The following RSRC1 variants were observed in gnomAD, a reference collection of about 807,000 sequenced individuals.
RSRC1 encodes arginine and serine rich coiled-coil 1.
Under a neutral mutation model 49.1 loss-of-function variants are expected in RSRC1, and 39 were observed. That is an observed-to-expected ratio of 0.79 (90% CI 0.61 to 1.04). The LOEUF is 1.04. Among genes scored for constraint, RSRC1 ranks in the 50% least tolerant of loss-of-function variants. RSRC1 has a pLI of 0.00. For missense variants in RSRC1, 388 were observed against 402.4 expected, an observed-to-expected ratio of 0.96 and a Z score of 0.31; for synonymous variants, 143 against 130.8, an observed-to-expected ratio of 1.09 and a Z score of -0.63.
intron 3 of RSRC1, among the ~76,000 whole-genome samples, chr3:158,171,291 C>T (rs1718866926): frequency 6.6e-6 from 1 of 152,148 alleles, no homozygotes; most frequent in South Asian, 2.1e-4. Flanking sequence ...CTAGTATACA[C>T]AGTCTTACAA....
intron 6 of RSRC1, among the ~76,000 whole-genome samples, chr3:158,396,735 A>G (rs1733632965): frequency 2.0e-5 from 3 of 152,146 alleles, no homozygotes; most frequent in Admixed American, 2.0e-4. Flanking sequence ...CAGTAGGTAT[A>G]TGGAAGCCAC....
chr3:158,345,399 C>T (rs1323066428), intron 5 of RSRC1, among the ~76,000 whole-genome samples: 2 of 152,030 alleles, frequency 1.3e-5, no homozygotes, highest in Non-Finnish European at 2.9e-5. Context: ...AAAAAGTACA[C>T]TTTAAGTATA....
intron 3 of RSRC1, among the ~76,000 whole-genome samples, chr3:158,134,813 G>A (rs1716262735): frequency 6.6e-6 from 1 of 152,150 alleles, no homozygotes; most frequent in Non-Finnish European, 1.5e-5. Context: ...TATAGTCTAT[G>A]AGAGACAAAG....
chr3:158,380,470 C>A (rs1225138905), intron 6 of RSRC1, among the ~76,000 whole-genome samples: 1 of 152,038 alleles, frequency 6.6e-6, no homozygotes, highest in Non-Finnish European at 1.5e-5. Flanking sequence ...AGCAGGACCT[C>A]ATCTTTAAAC....
In RSRC1 at chr3:158,139,636, C is replaced by CTTT. The variant is rs11388130; in HGVS notation, c.320+15658_320+15660dup. ...ATGCTTTTTACTGAATCCCATTAGT[C>CTTT]TTTTTTTTTTTTTTTGAGATGGAGC... On this transcript the variant is annotated intron_variant, in intron 3 of 9. Coordinates refer to ENST00000611884, the MANE Select transcript of RSRC1 (RefSeq NM_001271838.2). Among the ~76,000 whole-genome samples the CTTT allele has an allele frequency of 4.9e-4, 68 of 140,046 alleles. 1 individual carries two copies. The highest frequency in any genetic ancestry group is 3.1e-4 in the Non-Finnish European group (20 of 65,210). 91.9% of individuals were successfully genotyped at this position (140,046 alleles called of 152,430 possible). A position where few individuals can be genotyped will look rare whatever the true frequency, so the allele number is the denominator to read the frequency against.
At chr3:158,215,074 A>C (rs542475774) in intron 4 of RSRC1, among the ~76,000 whole-genome samples, 1 of 151,366 alleles carries the variant, frequency 6.6e-6, no homozygotes, top group Non-Finnish European at 1.5e-5. Flanking sequence ...GTTTGGTTTT[A>C]TTTGGTGTAT....
chr3:158,249,656 C>A lies in RSRC1; in HGVS notation c.494+46411C>A, dbSNP rs1411641171. On this transcript the variant is annotated intron_variant, in intron 4 of 9. Coordinates refer to ENST00000611884, the MANE Select transcript of RSRC1 (RefSeq NM_001271838.2). The stretch of plus-strand genomic sequence containing the variant: ...TGTGTAGATCTATGGTACATTTATG[C>A]TTCACTTTTTTAAATTAAAAATTTA... Among the ~76,000 whole-genome samples, 3 of 94,528 alleles carry A rather than the reference C, an allele frequency of 3.2e-5. No homozygotes were observed. The East Asian group carries it at 9.0e-4, about 28-fold the overall frequency. The allele number at this position is 94,528 out of a possible 152,430, so 62.0% of individuals were successfully genotyped here. A position where few individuals can be genotyped will look rare whatever the true frequency, so the allele number is the denominator to read the frequency against.
At chr3:158,327,066 G>T (rs187896667) in intron 5 of RSRC1, among the ~76,000 whole-genome samples, 2 of 152,162 alleles carry the variant, frequency 1.3e-5, no homozygotes, top group South Asian at 4.2e-4. Context: ...CTGTGGGATC[G>T]GTGGTATATA....
chr3:158,454,587 A>C (rs1737215858), intron 6 of RSRC1, among the ~76,000 whole-genome samples: 1 of 152,148 alleles, frequency 6.6e-6, no homozygotes, highest in South Asian at 2.1e-4. Flanking sequence ...AGATGCAATC[A>C]GTATCTTCCC....
chr3:158,373,741 T>TATTC (rs1732206925), intron 6 of RSRC1, among the ~76,000 whole-genome samples: 1 of 152,014 alleles, frequency 6.6e-6, no homozygotes, highest in Non-Finnish European at 1.5e-5. Context: ...GTCAACCTTG[T>TATTC]ATTCCCCTGT....
chr3:158,470,269 G>A (rs1410032522), intron 7 of RSRC1, among the ~76,000 whole-genome samples: 1 of 148,630 alleles, frequency 6.7e-6, no homozygotes. Flanking sequence ...AAGAAGAATT[G>A]TATTATTGAA....
intron 3 of RSRC1, among the ~76,000 whole-genome samples, chr3:158,167,046 A>G (rs998285132): frequency 6.6e-6 from 1 of 152,052 alleles, no homozygotes; most frequent in African/African-American, 2.4e-5. Context: ...TTTTTTTTGT[A>G]GTCAGAATTA....
intron 5 of RSRC1, among the ~76,000 whole-genome samples, chr3:158,343,447 G>A (rs1206199045): frequency 6.6e-6 from 1 of 152,016 alleles, no homozygotes; most frequent in Non-Finnish European, 1.5e-5. Flanking sequence ...ATATATTAAA[G>A]AGAAAGCAAG....
intron 5 of RSRC1, among the ~76,000 whole-genome samples, chr3:158,316,386 A>G (rs115857254): frequency 0.016 from 2,353 of 148,028 alleles, 85 homozygotes; most frequent in African/African-American, 0.056. Context: ...TTGCTGTGAT[A>G]TGCCTCATTT....
intron 4 of RSRC1, among the ~76,000 whole-genome samples, chr3:158,245,875 A>G (rs996375513): frequency 6.6e-6 from 1 of 151,674 alleles, no homozygotes; most frequent in East Asian, 1.9e-4. Flanking sequence ...TAGGATTCCA[A>G]CTCCTGCCTT....
chr3:158,185,363 C>T (rs1231259518), intron 3 of RSRC1, among the ~76,000 whole-genome samples: 2 of 151,960 alleles, frequency 1.3e-5, no homozygotes, highest in Non-Finnish European at 2.9e-5. Context: ...GAATTTGCTT[C>T]ATTATCCAGT....
chr3:158,402,286 A>T (rs1234336993), intron 6 of RSRC1, among the ~76,000 whole-genome samples: 16 of 151,692 alleles, frequency 1.1e-4, no homozygotes. Context: ...TACTTTTTAT[A>T]TTTGGCCTAT....
intron 3 of RSRC1, among the ~76,000 whole-genome samples, chr3:158,146,374 C>G (rs141608169): frequency 3.3e-5 from 5 of 152,084 alleles, no homozygotes; most frequent in Admixed American, 2.6e-4. Context: ...TTTTCTGCAT[C>G]TATTGAGATA....
At chr3:158,509,728 A>C (rs1740051329) in intron 7 of RSRC1, among the ~76,000 whole-genome samples, 1 of 152,210 alleles carries the variant, frequency 6.6e-6, no homozygotes, top group East Asian at 1.9e-4. Flanking sequence ...TTTTCTGTTC[A>C]ACATTATGGT....
Sources: gnomAD v4.1 joint callset for allele counts (sites outside exome capture counted in the v4.1 genomes callset) on GRCh38, gnomAD v4.1.1 for gene constraint, MANE v1.5 for transcripts, NCBI Gene and HGNC (gene_info 2026-07-23, HGNC 2026-07-21) for gene names.